PDE10A: variants seen among roughly 807,000 people sequenced by gnomAD.
The protein encoded by PDE10A is phosphodiesterase 10A.
In PDE10A, 39 loss-of-function variants were observed where a neutral mutation model predicts 97.7. That is an observed-to-expected ratio of 0.40 (90% CI 0.31 to 0.52). PDE10A has a LOEUF of 0.52. Ranked by LOEUF, PDE10A falls within the 20% of genes least tolerant of loss-of-function variation. The probability of loss-of-function intolerance (pLI) is 0.56; values close to 1 mark genes in which losing one functional copy is unlikely to be tolerated. For missense variants in PDE10A, 731 were observed against 1,047.8 expected, an observed-to-expected ratio of 0.70 and a Z score of 4.17; for synonymous variants, 371 against 376.8, an observed-to-expected ratio of 0.98 and a Z score of 0.18.
chr6:165,706,284 G>T (rs1454455454), intron 1 of PDE10A, among the ~76,000 whole-genome samples: 1 of 152,108 alleles, frequency 6.6e-6, no homozygotes, highest in East Asian at 1.9e-4. Context: ...ATTTCCCTTT[G>T]CCTTAATCCT....
chr6:165,514,371 A>G (rs1695941340), intron 2 of PDE10A, among the ~76,000 whole-genome samples: 1 of 152,138 alleles, frequency 6.6e-6, no homozygotes, highest in African/African-American at 2.4e-5. Flanking sequence ...CTTTTTAAGT[A>G]TTTAATAAAA....
chr6:165,894,523 G>A, intron 1 of PDE10A: 1 of 456,076 alleles, frequency 2.2e-6, no homozygotes. Context: ...GTGGGAGGGA[G>A]TTTTAATAGA....
At chr6:165,408,353 G>A (rs1787386315) in intron 13 of PDE10A, among the ~76,000 whole-genome samples, 1 of 152,132 alleles carries the variant, frequency 6.6e-6, no homozygotes, top group Admixed American at 6.5e-5. Context: ...TTGGGACAAC[G>A]CATAATACAA....
intron 1 of PDE10A, among the ~76,000 whole-genome samples, chr6:165,581,216 T>C (rs988987106): frequency 2.6e-5 from 4 of 152,180 alleles, no homozygotes; most frequent in African/African-American, 9.7e-5. Context: ...TTAATACTAA[T>C]TAGAACCTCA....
chr6:165,435,921 GT>G (rs1285509623), intron 5 of PDE10A, among the ~76,000 whole-genome samples: 5 of 152,150 alleles, frequency 3.3e-5, no homozygotes, highest in Admixed American at 3.3e-4. Context: ...AAAATTTGCT[GT>G]TCTCTGAGCA....
intron 1 of PDE10A, among the ~76,000 whole-genome samples, chr6:165,955,867 C>A (rs1784119948): frequency 6.6e-6 from 1 of 152,182 alleles, no homozygotes; most frequent in African/African-American, 2.4e-5. Flanking sequence ...GGTAAAATAA[C>A]ATAAAACATA....
intron 13 of PDE10A, among the ~76,000 whole-genome samples, chr6:165,400,825 CAAGTAAATAAA>C (rs1424342790): frequency 6.6e-6 from 1 of 152,062 alleles, no homozygotes; most frequent in African/African-American, 2.4e-5. Flanking sequence ...AATCTATCAA[CAAGTAAATAAA>C]TTAGTTATGG....
At chr6:165,833,137 C>A (rs1319174245) in intron 1 of PDE10A, among the ~76,000 whole-genome samples, 1 of 152,230 alleles carries the variant, frequency 6.6e-6, no homozygotes, top group Non-Finnish European at 1.5e-5. Context: ...AAATGACATT[C>A]ATGGATGTCC....
At chr6:165,713,680 T>C (rs553003346) in intron 1 of PDE10A, among the ~76,000 whole-genome samples, 66 of 152,276 alleles carry the variant, frequency 4.3e-4, no homozygotes, top group African/African-American at 1.6e-3. Context: ...TTCGATCCAG[T>C]CCTCTCTATC....
intron 1 of PDE10A, among the ~76,000 whole-genome samples, chr6:165,967,686 T>C (rs1156363590): frequency 6.6e-6 from 1 of 152,212 alleles, no homozygotes; most frequent in African/African-American, 2.4e-5. Context: ...GCATTTTCCT[T>C]GGGTAATACA....
In PDE10A at chr6:165,504,182, A is replaced by AT. The variant is rs747481968; in HGVS notation, c.995-21840dup. 1.1e-3 allele frequency among the ~76,000 whole-genome samples: 163 copies of AT among 152,266 alleles called. 2 individuals are homozygous for AT. Among genetic ancestry groups the AT allele is most frequent in the Non-Finnish European group, 1.4e-3 (96 of 68,020 alleles). On this transcript the variant is annotated intron_variant, in intron 2 of 21. Coordinates refer to ENST00000539869, the MANE Select transcript of PDE10A (RefSeq NM_001385079.1). ...AACAGTTGTAGCCTAAGGAGGAAGAATTTTTTTAGAATATTATTTTGGAAA... is the reference window on the plus strand; with the variant it reads ...AACAGTTGTAGCCTAAGGAGGAAGAATTTTTTTTAGAATATTATTTTGGAAA...
rs1785427835 is a variant in PDE10A at position 165,388,052 on chromosome 6, TACTTACTGATATAATGTTTAAAAA to T, written c.2610+222_2610+245del. On this transcript the variant is annotated intron_variant, in intron 17 of 21. Transcript: ENST00000539869. The surrounding 1 kb of genome is among the most constrained non-coding windows in gnomAD (Gnocchi z 4.0). ...ATAAGTATTGCTTTAGGGTTACAGG[TACTTACTGATATAATGTTTAAAAA>T]ACAAATGTGATTGCAAAATACATAT... 6.6e-6 allele frequency among the ~76,000 whole-genome samples: 1 copy of T among 152,180 alleles called. No individual in the cohort carries two copies. Among genetic ancestry groups the T allele is most frequent in the African/African-American group, 2.4e-5 (1 of 41,442 alleles).
At chr6:165,643,472 G>A (rs564209102) in intron 1 of PDE10A, among the ~76,000 whole-genome samples, 1 of 152,098 alleles carries the variant, frequency 6.6e-6, no homozygotes, top group Non-Finnish European at 1.5e-5. Context: ...GTACCCCAGA[G>A]ATTTTTACAT....
intron 2 of PDE10A, among the ~76,000 whole-genome samples, chr6:165,502,054 A>C (rs1780922301): frequency 1.3e-5 from 2 of 152,240 alleles, no homozygotes; most frequent in Non-Finnish European, 1.5e-5. Context: ...AATCTTTTTC[A>C]ACAAATGGTG....
At chr6:165,769,483 C>T (rs1033825945) in intron 1 of PDE10A, among the ~76,000 whole-genome samples, 10 of 152,162 alleles carry the variant, frequency 6.6e-5, no homozygotes, top group Admixed American at 5.2e-4. Context: ...TGAATTTAAA[C>T]AGTGATGCAT....
intron 1 of PDE10A, among the ~76,000 whole-genome samples, chr6:165,789,062 G>A (rs1464482944): frequency 2.0e-5 from 3 of 152,188 alleles, no homozygotes; most frequent in African/African-American, 4.8e-5. Flanking sequence ...AGCATCCTCT[G>A]TGGGGGCTGG....
At chr6:165,899,360 A>G (rs532877624) in intron 1 of PDE10A, among the ~76,000 whole-genome samples, 190 of 152,310 alleles carry the variant, frequency 1.2e-3, no homozygotes, top group Non-Finnish European at 2.3e-3. Context: ...TTGACATTTA[A>G]TAATGATCAG....
intron 3 of PDE10A, among the ~76,000 whole-genome samples, chr6:165,468,254 T>A (rs1369689699): frequency 1.3e-5 from 2 of 151,386 alleles, no homozygotes; most frequent in Admixed American, 6.6e-5. Flanking sequence ...AATTTTTTTT[T>A]ATTTTTTTTT....
rs149991497 is a variant in PDE10A, at chr6:165,756,910, T to A, written c.-614-213342A>T. On this transcript the variant is annotated intron_variant, in intron 1 of 19. Transcript: ENST00000366882. Reference sequence around the variant, plus strand: ...TTTCAGGATCACTATTATTTCTTTTTTTGTGAACTGAATGTCCATGTCTTT... The same window carrying A: ...TTTCAGGATCACTATTATTTCTTTTATTGTGAACTGAATGTCCATGTCTTT... Among the ~76,000 whole-genome samples, 1,520 of 152,248 alleles carry A rather than the reference T, an allele frequency of 1.0e-2. 16 individuals carry two copies. The highest frequency in any genetic ancestry group is 0.054 in the Middle Eastern group (16 of 294).
Sources: allele counts gnomAD v4.1 joint callset (sites outside exome capture counted in the v4.1 genomes callset), GRCh38; gene constraint gnomAD v4.1.1; non-coding constraint Gnocchi (gnomAD v3.1); transcripts MANE v1.5; gene names NCBI Gene and HGNC (gene_info 2026-07-23, HGNC 2026-07-21).